Variants in DCDC1 observed in about 807,000 individuals in gnomAD.
The protein encoded by DCDC1 is doublecortin domain-containing protein 1.
DCDC1 carries 200 observed loss-of-function variants against 178.3 expected under a neutral mutation model. The observed-to-expected ratio is 1.12, with a 90% CI of 1.00 to 1.26. The LOEUF (loss-of-function observed/expected upper bound fraction) is 1.26, where lower values mean the gene tolerates loss of function less well. Among genes scored for constraint, DCDC1 ranks in the 50% most tolerant of loss-of-function variants. DCDC1 has a pLI of 0.00. For synonymous variants in DCDC1, 690 were observed against 604.8 expected (o/e 1.14, Z -2.07); for missense variants, 1,983 against 1,749.2 (o/e 1.13, Z -2.38).
At chr11:31,217,540 C>A (rs1281760649) in intron 9 of DCDC1, among the ~76,000 whole-genome samples, 1 of 152,064 alleles carries the variant, frequency 6.6e-6, no homozygotes. Flanking sequence ...AGAAGCACCT[C>A]TGTAAGAAAA....
chr11:30,906,925 G>A (rs909075326), intron 29 of DCDC1, among the ~76,000 whole-genome samples, 200 bp from the exon 30 acceptor site: 3 of 151,944 alleles, frequency 2.0e-5, no homozygotes, highest in African/African-American at 7.3e-5. Context: ...ATTCTGTAAC[G>A]ACAATTCGAC....
chr11:30,998,549 C>T (rs1194655445), intron 20 of DCDC1, among the ~76,000 whole-genome samples: 1 of 151,996 alleles, frequency 6.6e-6, no homozygotes, highest in Non-Finnish European at 1.5e-5. Context: ...AAAAGAATTC[C>T]AATTAGTAAA....
At chr11:31,307,606 A>C (rs750304426) in intron 4 of DCDC1, 33 bp downstream of exon 4, 24 of 1,606,838 alleles carry the variant, frequency 1.5e-5, no homozygotes, top group African/African-American at 2.7e-5. Context: ...CTTCAACAAT[A>C]GGTTAAAAAG....
intron 8 of DCDC1, among the ~76,000 whole-genome samples, chr11:31,264,758 C>A (rs1945029001): frequency 6.6e-6 from 1 of 152,130 alleles, no homozygotes; most frequent in African/African-American, 2.4e-5. Flanking sequence ...TCTGTCAATT[C>A]TGTGACAAGG....
At chr11:31,113,601 C>T (rs1336136957) in intron 11 of DCDC1, among the ~76,000 whole-genome samples, 2 of 152,028 alleles carry the variant, frequency 1.3e-5, no homozygotes, top group African/African-American at 2.4e-5. Context: ...CATCCATGTC[C>T]CTACAAAGGC....
chr11:30,899,490 G>T, intron 34 of DCDC1, 51 bp downstream of exon 34: 1 of 1,204,382 alleles, frequency 8.3e-7, no homozygotes, highest in East Asian at 2.7e-5. Context: ...TAGCAATTTG[G>T]GGCTACATTT....
intron 20 of DCDC1, among the ~76,000 whole-genome samples, chr11:31,046,095 C>T (rs1954819732): frequency 6.6e-6 from 1 of 152,172 alleles, no homozygotes; most frequent in South Asian, 2.1e-4. Flanking sequence ...TGTTCAATCA[C>T]AAGACTCCCT....
At chr11:31,349,992 G>A (rs1324804754) in intron 1 of DCDC1, among the ~76,000 whole-genome samples, 1 of 152,268 alleles carries the variant, frequency 6.6e-6, no homozygotes, top group East Asian at 1.9e-4. Context: ...TGTGATTAAA[G>A]CTGTGATTCT....
chr11:31,156,625 T>C (rs187235036), intron 9 of DCDC1, among the ~76,000 whole-genome samples: 55 of 152,342 alleles, frequency 3.6e-4, no homozygotes, highest in Non-Finnish European at 7.1e-4. Flanking sequence ...ATCTTTGAAG[T>C]CCAGTGTGAA....
At position 31,213,789 on chromosome 11, in the gene DCDC1, T is replaced by C. The variant is rs1427377153; in HGVS notation, c.1221+27661A>G. Among the ~76,000 whole-genome samples, 6 of 151,928 alleles carry C rather than the reference T, an allele frequency of 3.9e-5. No homozygotes were observed. The South Asian group carries it at 6.3e-4, about 16-fold the overall frequency. On this transcript the variant is annotated intron_variant, in intron 9 of 38. Coordinates refer to ENST00000684477, the MANE Select transcript of DCDC1 (RefSeq NM_001387274.1). ...ACATGTAAAGAGGTCCATGACATAGTAGATAATAAAACAAGAATATTACTA... is the reference window on the plus strand; with the variant it reads ...ACATGTAAAGAGGTCCATGACATAGCAGATAATAAAACAAGAATATTACTA...
intron 11 of DCDC1, among the ~76,000 whole-genome samples, chr11:31,112,762 C>G (rs1378990582): frequency 6.6e-6 from 1 of 152,136 alleles, no homozygotes; most frequent in African/African-American, 2.4e-5. Context: ...TTTTTACTTT[C>G]CTTCATGTCA....
At chr11:30,888,062 G>GAAAGAAAGAAAGAA (rs1363691155) in intron 36 of DCDC1, among the ~76,000 whole-genome samples, 26 of 48,702 alleles carry the variant, frequency 5.3e-4, no homozygotes, top group African/African-American at 2.5e-3. Context: ...AAGAAAGAAA[G>GAAAGAAAGAAAGAA]AGAGAGAGAG....
At chr11:31,058,880 C>T (rs2135452716) in intron 20 of DCDC1, among the ~76,000 whole-genome samples, 1 of 152,200 alleles carries the variant, frequency 6.6e-6, no homozygotes, top group South Asian at 2.1e-4. Context: ...CACCTGTCTC[C>T]TCTTTTTTCA....
At position 30,909,187 on chromosome 11, in the gene DCDC1, A is replaced by C. The variant is rs1945276842; in HGVS notation, c.3748-71T>G. ...GTTATAGTGTCTTGTTTTTCATTGC[A>C]TATATCCAGAAAGTGCAGATAATTA... On this transcript the variant is annotated intron_variant, in intron 28 of 38. Transcript: ENST00000684477. The C allele has an allele frequency of 3.7e-6, 5 of 1,350,710 alleles. No individual in the cohort carries two copies. The Admixed American group carries it at 1.2e-4, about 33-fold the overall frequency. 83.7% of individuals were successfully genotyped at this position (1,350,710 alleles called of 1,614,324 possible).
In DCDC1 at chr11:31,241,440, G is replaced by T; in HGVS notation, c.1221+10C>A. 5.0e-6 allele frequency: 2 copies of T among 396,662 alleles called. No individual in the cohort carries two copies. Among genetic ancestry groups the T allele is most frequent in the South Asian group, 1.3e-4 (1 of 7,798 alleles). The allele number at this position is 396,662 out of a possible 1,614,324, so 24.6% of individuals were successfully genotyped here. On this transcript the variant is annotated intron_variant, in intron 9 of 38. Coordinates refer to ENST00000684477, the MANE Select transcript of DCDC1 (RefSeq NM_001387274.1). ...TATAATAAAGAAATTTTTAAAGAGG[G>T]ATGACTCACCTGTTTATAATATTTT... is the stretch of plus-strand genomic sequence containing the variant.
At chr11:31,292,328 C>G (rs1947293081) in intron 6 of DCDC1, among the ~76,000 whole-genome samples, 1 of 152,070 alleles carries the variant, frequency 6.6e-6, no homozygotes, top group African/African-American at 2.4e-5. Flanking sequence ...TTCATAGCAG[C>G]ACTATTTACA....
At chr11:31,263,737 G>A (rs11602582) in intron 8 of DCDC1, among the ~76,000 whole-genome samples, 4,350 of 152,220 alleles carry the variant, frequency 0.029, 66 homozygotes, top group Non-Finnish European at 0.044. Flanking sequence ...TAGTACAAGT[G>A]AGAAAATGGG....
At chr11:31,148,461 A>G (rs917752534) in intron 9 of DCDC1, among the ~76,000 whole-genome samples, 4 of 152,050 alleles carry the variant, frequency 2.6e-5, no homozygotes, top group African/African-American at 9.6e-5. Flanking sequence ...CCAAGACTGT[A>G]CCACTGCACT....
intron 9 of DCDC1, among the ~76,000 whole-genome samples, chr11:31,169,146 C>T (rs1167587559): frequency 1.3e-5 from 2 of 152,128 alleles, no homozygotes; most frequent in African/African-American, 4.8e-5. Flanking sequence ...GAAAACCAAA[C>T]ACCACATGTT....
Sources: gnomAD v4.1 joint callset for allele counts (sites outside exome capture counted in the v4.1 genomes callset) on GRCh38, gnomAD v4.1.1 for gene constraint, MANE v1.5 for transcripts, NCBI Gene and HGNC (gene_info 2026-07-23, HGNC 2026-07-21) for gene names.